The following PEX5L variants were observed in gnomAD, a reference collection of about 807,000 sequenced individuals.
PEX5L encodes peroxisomal biogenesis factor 5 like, also known as PEX5-related protein.
Under a neutral mutation model 84.0 loss-of-function variants are expected in PEX5L, and 30 were observed. That is an observed-to-expected ratio of 0.36 (90% CI 0.27 to 0.48). The LOEUF (loss-of-function observed/expected upper bound fraction) is 0.48, where lower values mean the gene tolerates loss of function less well. Ranked by LOEUF, PEX5L falls within the 20% of genes least tolerant of loss-of-function variation. The probability of loss-of-function intolerance (pLI) is 0.99; values close to 1 mark genes in which losing one functional copy is unlikely to be tolerated. For synonymous variants in PEX5L, 270 were observed against 283.1 expected, an observed-to-expected ratio of 0.95 and a Z score of 0.46; for missense variants, 533 against 754.6, an observed-to-expected ratio of 0.71 and a Z score of 3.44.
intron 8 of PEX5L, among the ~76,000 whole-genome samples, chr3:179,848,142 G>A (rs1028700435): frequency 6.6e-6 from 1 of 152,066 alleles, no homozygotes; most frequent in Non-Finnish European, 1.5e-5. Flanking sequence ...AGTATTCAAT[G>A]CTACAGAAAA....
chr3:179,811,258 C>T (rs545590531), intron 11 of PEX5L, among the ~76,000 whole-genome samples: 5 of 151,478 alleles, frequency 3.3e-5, no homozygotes, highest in Non-Finnish European at 5.9e-5. Context: ...CATATGTATA[C>T]GCACACATAT....
intron 1 of PEX5L, among the ~76,000 whole-genome samples, chr3:180,018,354 T>C (rs1407676623): frequency 6.6e-6 from 1 of 152,210 alleles, no homozygotes; most frequent in Non-Finnish European, 1.5e-5. Context: ...GAATATCTCA[T>C]GTAAGAATAT....
chr3:179,964,922 C>A (rs1162539694), intron 2 of PEX5L, among the ~76,000 whole-genome samples: 1 of 152,184 alleles, frequency 6.6e-6, no homozygotes, highest in Non-Finnish European at 1.5e-5. Flanking sequence ...AGATATTTTC[C>A]TCATTTTATA....
intron 2 of PEX5L, among the ~76,000 whole-genome samples, chr3:179,931,510 T>C (rs1451815210): frequency 1.3e-5 from 2 of 152,218 alleles, no homozygotes; most frequent in African/African-American, 4.8e-5. Flanking sequence ...TAGAACCACA[T>C]TGGAAAGTTT....
intron 2 of PEX5L, among the ~76,000 whole-genome samples, chr3:179,920,531 T>A (rs1312662363): frequency 6.6e-6 from 1 of 152,162 alleles, no homozygotes; most frequent in Non-Finnish European, 1.5e-5. Context: ...ATATAACAGG[T>A]TAACAGGTGA....
Position 180,026,893 on chromosome 3 carries a change from A to G in PEX5L, c.21+9686T>C, listed in dbSNP as rs114448125. Among the ~76,000 whole-genome samples the G allele has an allele frequency of 9.4e-3, 1,433 of 152,226 alleles. 36 individuals are homozygous for G. Among genetic ancestry groups the G allele is most frequent in the African/African-American group, 0.032 (1,331 of 41,556 alleles). On this transcript the variant is annotated intron_variant, in intron 1 of 14. Transcript: ENST00000467460. ...CCCCAAATCTAAACTCTCTTTCTACATTTGGGAAATTGCCCACACTCTCAG... is the reference window on the plus strand; with the variant it reads ...CCCCAAATCTAAACTCTCTTTCTACGTTTGGGAAATTGCCCACACTCTCAG...
intron 7 of PEX5L, among the ~76,000 whole-genome samples, chr3:179,869,535 C>T (rs1222896128): frequency 6.6e-6 from 1 of 152,142 alleles, no homozygotes. Context: ...AATGGTACCC[C>T]AAAACATGGC....
rs548444099 is a variant in PEX5L at position 180,029,630 on chromosome 3, G to C, written c.21+6949C>G. Reference sequence around the variant, plus strand: ...TCTGTGATGTCAGAAAGCTACCTAGGAATTAAGCTTTCTGCTAGGGTCTCA... The same window carrying C: ...TCTGTGATGTCAGAAAGCTACCTAGCAATTAAGCTTTCTGCTAGGGTCTCA... On this transcript the variant is annotated intron_variant, in intron 1 of 14. Coordinates refer to ENST00000467460, the MANE Select transcript of PEX5L (RefSeq NM_016559.3). Among the ~76,000 whole-genome samples, 7 of 152,226 alleles carry C rather than the reference G, an allele frequency of 4.6e-5. No individual in the cohort carries two copies. In the South Asian group the frequency reaches 1.2e-3, roughly 27 times the overall value.
In PEX5L at chr3:179,971,622, T is replaced by C. The variant is rs1192366434; in HGVS notation, c.65A>G (p.Asp22Gly). The change falls in exon 2 of 15, where the codon GAC becomes GGC. Residue 22 changes from aspartate to glycine, a missense_variant. Transcript: ENST00000467460. Reference protein sequence around the residue: ...QGYGKLSSDEDLEIIVDQKQG... With the variant: ...QGYGKLSSDEGLEIIVDQKQG... ...CTTTTGATCAACAATTATTTCGAGGTCTTCATCACTGCTTAGTTTTCCATA... is the reference window on the plus strand; with the variant it reads ...CTTTTGATCAACAATTATTTCGAGGCCTTCATCACTGCTTAGTTTTCCATA... 4 of 1,608,190 alleles carry C rather than the reference T, an allele frequency of 2.5e-6. No individual in the cohort carries two copies. Among genetic ancestry groups the C allele is most frequent in the Non-Finnish European group, 3.4e-6 (4 of 1,177,592 alleles).
rs61032705 is a variant in PEX5L, at chr3:179,923,304, A to AC, written c.94-25059_94-25058insG. The stretch of plus-strand genomic sequence containing the variant: ...AGACTCCATCTCAAAAAAAAAAAAA[A>AC]AAAAAAACACCCTCAAGTGAATTCT... On this transcript the variant is annotated intron_variant, in intron 2 of 14. Coordinates refer to ENST00000467460, the MANE Select transcript of PEX5L (RefSeq NM_016559.3). Among the ~76,000 whole-genome samples, 5 of 150,608 alleles carry AC rather than the reference A, an allele frequency of 3.3e-5. 1 individual carries two copies. Among genetic ancestry groups the AC allele is most frequent in the African/African-American group, 7.3e-5 (3 of 40,918 alleles).
chr3:179,910,216 G>A (rs1764699257), intron 2 of PEX5L, among the ~76,000 whole-genome samples: 1 of 152,202 alleles, frequency 6.6e-6, no homozygotes, highest in South Asian at 2.1e-4. Flanking sequence ...TGACTGTCAA[G>A]GAGAATTGCC....
intron 1 of PEX5L, among the ~76,000 whole-genome samples, chr3:179,984,695 T>G (rs1786645588): frequency 6.6e-6 from 1 of 152,022 alleles, no homozygotes; most frequent in South Asian, 2.1e-4. Context: ...TTTGTCTTTT[T>G]TAGATTCTCA....
At chr3:179,865,183 G>C (rs912632633) in intron 7 of PEX5L, among the ~76,000 whole-genome samples, 1 of 152,160 alleles carries the variant, frequency 6.6e-6, no homozygotes. Context: ...CTGTGTAAAT[G>C]AAATTTTATT....
chr3:179,820,711 C>T (rs1728185492), intron 8 of PEX5L, among the ~76,000 whole-genome samples: 1 of 152,228 alleles, frequency 6.6e-6, no homozygotes, highest in South Asian at 2.1e-4. Context: ...TTCTTTACTT[C>T]AAGGGAGGTG....
In PEX5L at chr3:179,886,022, G is replaced by A. The variant is rs547081672; in HGVS notation, c.310+1651C>T. ...GATTTTTTTCCTACAGTATTTCACA[G>A]GTCTCTCTTCCATATGTTAGAACAA... is the stretch of plus-strand genomic sequence containing the variant. On this transcript the variant is annotated intron_variant, in intron 4 of 14. Transcript: ENST00000467460. 1.2e-4 allele frequency among the ~76,000 whole-genome samples: 19 copies of A among 152,242 alleles called. No individual in the cohort carries two copies. The South Asian group carries it at 1.9e-3, about 15-fold the overall frequency.
chr3:179,922,998 A>C (rs1487980459), intron 2 of PEX5L, among the ~76,000 whole-genome samples: 1 of 151,658 alleles, frequency 6.6e-6, no homozygotes, highest in Non-Finnish European at 1.5e-5. Context: ...CTGTTCAAAA[A>C]CCTCAAGTGG....
chr3:179,932,225 C>T (rs999980596), intron 2 of PEX5L, among the ~76,000 whole-genome samples: 5 of 151,960 alleles, frequency 3.3e-5, no homozygotes, highest in African/African-American at 1.2e-4. Context: ...GGTTCAAAAC[C>T]TCAGGTATAG....
intron 2 of PEX5L, among the ~76,000 whole-genome samples, chr3:179,923,157 G>A (rs1037898900): frequency 1.3e-5 from 2 of 151,920 alleles, no homozygotes; most frequent in Non-Finnish European, 2.9e-5. Context: ...TGGGCTTGGT[G>A]GCGGGCACCT....
intron 3 of PEX5L, among the ~76,000 whole-genome samples, chr3:179,897,495 T>C (rs1038157850): frequency 2.0e-5 from 3 of 152,114 alleles, no homozygotes; most frequent in Admixed American, 6.6e-5. Flanking sequence ...CTTTTTTCTA[T>C]ACTTGTTATA....
Sources: allele counts gnomAD v4.1 joint callset (sites outside exome capture counted in the v4.1 genomes callset), GRCh38; gene constraint gnomAD v4.1.1; transcripts MANE v1.5; gene names NCBI Gene and HGNC (gene_info 2026-07-23, HGNC 2026-07-21).